The following TRIP10 variants were observed in gnomAD, a reference collection of about 807,000 sequenced individuals.
The protein encoded by TRIP10 is cdc42-interacting protein 4.
TRIP10 carries 54 observed loss-of-function variants against 80.9 expected under a neutral mutation model. The ratio of observed to expected loss-of-function variants is 0.67; its 90% CI spans 0.54 to 0.84. The LOEUF (loss-of-function observed/expected upper bound fraction) is 0.84. Ranked by LOEUF, TRIP10 falls within the 40% of genes least tolerant of loss-of-function variation. The probability of loss-of-function intolerance (pLI) is 0.00; values close to 1 mark genes in which losing one functional copy is unlikely to be tolerated. For synonymous variants in TRIP10, 321 were observed against 307.2 expected, an observed-to-expected ratio of 1.04 and a Z score of -0.47; for missense variants, 773 against 815.3, an observed-to-expected ratio of 0.95 and a Z score of 0.63.
chr19:6,740,920 C>T (rs1968897516), intron 1 of TRIP10, 90 bp from the exon 2 acceptor site: 1 of 1,191,814 alleles, frequency 8.4e-7, no homozygotes, highest in Non-Finnish European at 1.2e-6. Context: ...GAGCCTTGGC[C>T]CTCCCTGGGA....
intron 3 of TRIP10, 147 bp downstream of exon 3, chr19:6,741,428 C>A: frequency 1.0e-6 from 1 of 975,118 alleles, no homozygotes; most frequent in Non-Finnish European, 1.6e-6. Context: ...GCGGGATTAT[C>A]TGGCTTGGAA....
Position 6,744,293 on chromosome 19 carries a change from C to T in TRIP10, c.643-261C>T, listed in dbSNP as rs1444808980. Among the ~76,000 whole-genome samples, 1 of 152,196 alleles carries T rather than the reference C, an allele frequency of 6.6e-6. No individual in the cohort carries two copies. The highest frequency in any genetic ancestry group is 2.4e-5 in the African/African-American group (1 of 41,440). On this transcript the variant is annotated intron_variant, in intron 7 of 14. Coordinates refer to ENST00000313244, the MANE Select transcript of TRIP10 (RefSeq NM_001288962.2). This position sits in a 1 kb window ranked among gnomAD's most constrained non-coding sequence, Gnocchi z 4.9. ...ATCAGGGCTGGTTCTGCTTTTTCTT[C>T]AAATCCCTGTTCCCTTGTCTCCTCC... is the stretch of plus-strand genomic sequence containing the variant.
At position 6,744,851 on chromosome 19, in the gene TRIP10, G is replaced by A. The variant is rs147160585; in HGVS notation, c.841G>A (p.Asp281Asn). ...CAAGTCAGGTTTTGCCCGCCCGGGCGACGTGGAATTCGAGGACTTCAGCCA... is the reference window on the plus strand; with the variant it reads ...CAAGTCAGGTTTTGCCCGCCCGGGCAACGTGGAATTCGAGGACTTCAGCCA... ...LHKSGFARPGDVEFEDFSQPM... is the reference protein window; with the variant it reads ...LHKSGFARPGNVEFEDFSQPM... Residue 281 changes from aspartate to asparagine, a missense_variant, in exon 9 of 15, where the codon GAC (aspartate) becomes AAC (asparagine). Asp to Asn is a conservative substitution (Grantham distance 23). Transcript: ENST00000313244. The surrounding 1 kb of genome is among the most constrained non-coding windows in gnomAD (Gnocchi z 4.9). The A allele has an allele frequency of 1.8e-5, 29 of 1,614,098 alleles. No individual in the cohort carries two copies. The highest frequency in any genetic ancestry group is 1.1e-4 in the African/African-American group (8 of 74,944).
chr19:6,750,465 G>A, intron 13 of TRIP10, 34 bp downstream of exon 13: 1 of 1,613,916 alleles, frequency 6.2e-7, no homozygotes. Flanking sequence ...TCTGTTCCCA[G>A]GGTCCCAGGA....
chr19:6,750,677 GTC>G (rs1391521607), intron 14 of TRIP10, 44 bp downstream of exon 14: 1 of 1,608,944 alleles, frequency 6.2e-7, no homozygotes, highest in South Asian at 1.1e-5. Flanking sequence ...GGGAGGCAGT[GTC>G]TCTGGCTAGG....
At position 6,743,354 on chromosome 19, in the gene TRIP10, C is replaced by T; in HGVS notation, c.408+98C>T. On this transcript the variant is annotated intron_variant, in intron 5 of 14. Transcript: ENST00000313244. ...GCTGCCCTCTTTGTCAGACCTGGAC[C>T]TTCCCTCCCCCATAGGCTTCCAGTA... 15 of 1,543,272 alleles carry T rather than the reference C, an allele frequency of 9.7e-6. No individual in the cohort carries two copies. The South Asian group carries it at 1.7e-4, about 18-fold the overall frequency.
Position 6,745,114 on chromosome 19 carries a change from TGGCTGCCAGCCCG to T in TRIP10, c.984+122_984+134del. Reference sequence around the variant, plus strand: ...GAGTCTCGGGCAGGAATTTTCCTCTTGGCTGCCAGCCCGGACTGGAGGGAAGGAAGGCGGCCGA... The same window carrying T: ...GAGTCTCGGGCAGGAATTTTCCTCTTGACTGGAGGGAAGGAAGGCGGCCGA... On this transcript the variant is annotated intron_variant, in intron 9 of 14. Transcript: ENST00000313244. The surrounding 1 kb of genome is among the most constrained non-coding windows in gnomAD (Gnocchi z 7.2). 7 of 1,346,776 alleles carry T rather than the reference TGGCTGCCAGCCCG, an allele frequency of 5.2e-6. No homozygotes were observed. Among genetic ancestry groups the T allele is most frequent in the Non-Finnish European group, 5.9e-6 (6 of 1,018,420 alleles). The allele number at this position is 1,346,776 out of a possible 1,614,324, so 83.4% of individuals were successfully genotyped here.
intron 3 of TRIP10, 150 bp from the exon 4 acceptor site, chr19:6,742,817 G>A: frequency 9.5e-7 from 1 of 1,055,256 alleles, no homozygotes; most frequent in Non-Finnish European, 1.3e-6. Context: ...AAGGGTTGGG[G>A]TTAAGGAATA....
In TRIP10 at chr19:6,743,413, A is replaced by T. The variant is rs1181471158; in HGVS notation, c.409-81A>T. On this transcript the variant is annotated intron_variant, in intron 5 of 14. Coordinates refer to ENST00000313244, the MANE Select transcript of TRIP10 (RefSeq NM_001288962.2). ...ACCCCTACTTACTGGATGACATCCC[A>T]ATAATCCCTGAAACCTTGGTTTCCC... 4 of 1,559,132 alleles carry T rather than the reference A, an allele frequency of 2.6e-6. No homozygotes were observed. The Admixed American group carries it at 5.1e-5, about 20-fold the overall frequency.
rs142688804 is a variant in TRIP10, at chr19:6,746,464, G to A, written c.1165G>A (p.Glu389Lys). The A allele has an allele frequency of 3.8e-5, 61 of 1,614,128 alleles. No homozygotes were observed. The highest frequency in any genetic ancestry group is 2.2e-4 in the East Asian group (10 of 44,884). ...ACCCACCTTGCAGACAGTGGTGACCGAGGATTTTAGCCACTTGCCCCCAGA... is the reference window on the plus strand; with the variant it reads ...ACCCACCTTGCAGACAGTGGTGACCAAGGATTTTAGCCACTTGCCCCCAGA... ...LRGSRGTVVT[E>K]DFSHLPPEQQ... The change falls in exon 11 of 15, where the codon GAG (glutamate) becomes AAG (lysine). Residue 389 changes from glutamate to lysine, a missense_variant. Coordinates refer to ENST00000313244, the MANE Select transcript of TRIP10 (RefSeq NM_001288962.2). This position sits in a 1 kb window ranked among gnomAD's most constrained non-coding sequence, Gnocchi z 6.2.
chr19:6,745,134 A>AG lies in TRIP10; in HGVS notation c.984+143dup, dbSNP rs1166771391. On this transcript the variant is annotated intron_variant, in intron 9 of 14. Coordinates refer to ENST00000313244, the MANE Select transcript of TRIP10 (RefSeq NM_001288962.2). The surrounding 1 kb of genome is among the most constrained non-coding windows in gnomAD (Gnocchi z 7.2). ...CCTCTTGGCTGCCAGCCCGGACTGG[A>AG]GGGAAGGAAGGCGGCCGATTGGCCT... 1 of 1,192,676 alleles carries AG rather than the reference A, an allele frequency of 8.4e-7. No homozygotes were observed. The highest frequency in any genetic ancestry group is 1.1e-6 in the Non-Finnish European group (1 of 897,320). 73.9% of individuals were successfully genotyped at this position (1,192,676 alleles called of 1,614,324 possible).
Position 6,741,222 on chromosome 19 carries a change from T to C in TRIP10, c.141-3T>C, listed in dbSNP as rs1330780591. On this transcript the variant is annotated splice_region_variant and splice_polypyrimidine_tract_variant and intron_variant, in intron 2 of 14. Transcript: ENST00000313244. ...CAGCCCTCCTACCTCTGTCTCCCCT[T>C]AGGAGCCTGGTGAAAAAATATCTGC... 1 of 1,612,524 alleles carries C rather than the reference T, an allele frequency of 6.2e-7. No homozygotes were observed. Among genetic ancestry groups the C allele is most frequent in the South Asian group, 1.1e-5 (1 of 90,972 alleles).
chr19:6,740,756 A>C, intron 1 of TRIP10: 1 of 499,582 alleles, frequency 2.0e-6, no homozygotes, highest in East Asian at 3.5e-5. Context: ...TGGCGGTCCT[A>C]TGTCGGAGAC....
At chr19:6,748,844 T>TC (rs1365082407) in intron 11 of TRIP10, 5 of 152,204 alleles carry the variant, frequency 3.3e-5, no homozygotes, top group African/African-American at 1.2e-4. Flanking sequence ...TCTGGTCTTT[T>TC]CCAAAGGTCC....
rs547848138 is a variant in TRIP10 at position 6,740,395 on chromosome 19, CT to C, written c.24+611del. Among the ~76,000 whole-genome samples, 464 of 152,338 alleles carry C rather than the reference CT, an allele frequency of 3.0e-3. 3 individuals are homozygous for C. The highest frequency in any genetic ancestry group is 0.011 in the African/African-American group (437 of 41,578). ...CCCTGGAAGCCCCAGAAATTTCCCC[CT>C]ATCCTAGCCGGACCTCTGACCCCTC... On this transcript the variant is annotated intron_variant, in intron 1 of 14. Coordinates refer to ENST00000313244, the MANE Select transcript of TRIP10 (RefSeq NM_001288962.2).
rs752234599 is a variant in TRIP10 at position 6,744,682 on chromosome 19, T to C, written c.771T>C (p.Asn257=). 11 of 1,605,160 alleles carry C rather than the reference T, an allele frequency of 6.9e-6. No homozygotes were observed. The highest frequency in any genetic ancestry group is 9.4e-6 in the Non-Finnish European group (11 of 1,174,944). ...TGGAGGGCATGAAGGTGGCTGCAAATGCTGTGGATCCCAAGAACGTGGGTG... is the reference window on the plus strand; with the variant it reads ...TGGAGGGCATGAAGGTGGCTGCAAACGCTGTGGATCCCAAGAACGTGGGTG... ...KCLEGMKVAA[N]AVDPKNDSHV... is the part of the protein sequence containing the mutation. The change falls in exon 8 of 15, where the codon AAT becomes AAC. Residue 257 remains asparagine (N), a synonymous_variant. Transcript: ENST00000313244. This position sits in a 1 kb window ranked among gnomAD's most constrained non-coding sequence, Gnocchi z 4.9.
Position 6,742,962 on chromosome 19 carries a change from C to T in TRIP10, c.198-5C>T, listed in dbSNP as rs749762586. ...CCCTGTTCCCCGATTCTCATCCAACCCCAGATTCAGCCAGCAACAGTCCTT... is the reference window on the plus strand; with the variant it reads ...CCCTGTTCCCCGATTCTCATCCAACTCCAGATTCAGCCAGCAACAGTCCTT... On this transcript the variant is annotated splice_region_variant and splice_polypyrimidine_tract_variant and intron_variant, in intron 3 of 14. Coordinates refer to ENST00000313244, the MANE Select transcript of TRIP10 (RefSeq NM_001288962.2). The T allele has an allele frequency of 1.9e-6, 3 of 1,613,704 alleles. No individual in the cohort carries two copies. The highest frequency in any genetic ancestry group is 2.7e-5 in the African/African-American group (2 of 74,908).
chr19:6,750,456 C>T, intron 13 of TRIP10, 25 bp downstream of exon 13: 3 of 1,613,908 alleles, frequency 1.9e-6, no homozygotes. Context: ...CAGAGTGGGT[C>T]TGTTCCCAGG....
chr19:6,750,267 C>T (rs762240589), intron 12 of TRIP10, 25 bp from the exon 13 acceptor site: 35 of 1,612,874 alleles, frequency 2.2e-5, no homozygotes, highest in South Asian at 2.1e-4. Context: ...TGCCCTGGAA[C>T]GATTTTCCTG....
Sources: gnomAD v4.1 joint callset for allele counts (sites outside exome capture counted in the v4.1 genomes callset) on GRCh38, gnomAD v4.1.1 for gene constraint, Gnocchi (gnomAD v3.1) non-coding constraint, MANE v1.5 for transcripts, NCBI Gene and HGNC (gene_info 2026-07-23, HGNC 2026-07-21) for gene names.